Variants in RIMS2 observed in about 807,000 individuals in gnomAD.
RIMS2 encodes regulating synaptic membrane exocytosis protein 2.
A neutral mutation model predicts 174.4 loss-of-function variants in RIMS2; 59 were observed. The observed-to-expected ratio is 0.34, with a 90% CI of 0.27 to 0.42. RIMS2 has a LOEUF of 0.42. RIMS2 is among the 10% of genes least tolerant of loss of function. The probability of loss-of-function intolerance (pLI) is 1.00; values close to 1 mark genes in which losing one functional copy is unlikely to be tolerated. For synonymous variants in RIMS2, 606 were observed against 572.5 expected, an observed-to-expected ratio of 1.06 and a Z score of -0.84; for missense variants, 1,620 against 1,666.3, an observed-to-expected ratio of 0.97 and a Z score of 0.48.
intron 1 of RIMS2, among the ~76,000 whole-genome samples, chr8:103,669,374 C>G (rs182305062): frequency 6.6e-6 from 1 of 152,242 alleles, no homozygotes; most frequent in East Asian, 1.9e-4. Context: ...TCACTTCATC[C>G]CTGGCCACTT....
chr8:103,877,716 T>C (rs1357553232), intron 3 of RIMS2, among the ~76,000 whole-genome samples: 1 of 151,878 alleles, frequency 6.6e-6, no homozygotes, highest in Admixed American at 6.6e-5. Context: ...CTATTGAGGC[T>C]CTTTTTTTTT....
intron 3 of RIMS2, among the ~76,000 whole-genome samples, chr8:103,829,084 A>G (rs931017705): frequency 9.7e-6 from 1 of 102,808 alleles, no homozygotes; most frequent in African/African-American, 3.9e-5. Context: ...ATTTAATAAT[A>G]GGTTTTTTTT....
At chr8:103,810,943 CTA>C (rs977728857) in intron 3 of RIMS2, among the ~76,000 whole-genome samples, 1 of 152,080 alleles carries the variant, frequency 6.6e-6, no homozygotes, top group African/African-American at 2.4e-5. Context: ...GTGCAAATGA[CTA>C]TTATTTCTAA....
At chr8:104,193,297 A>G (rs966464050) in intron 19 of RIMS2, among the ~76,000 whole-genome samples, 2 of 152,064 alleles carry the variant, frequency 1.3e-5, no homozygotes, top group East Asian at 1.9e-4. Context: ...TTTTATTCCT[A>G]TATTTCTAAT....
intron 1 of RIMS2, among the ~76,000 whole-genome samples, chr8:103,674,197 T>G (rs2096780353): frequency 6.6e-6 from 1 of 152,212 alleles, no homozygotes; most frequent in Non-Finnish European, 1.5e-5. Flanking sequence ...TCACAACTGT[T>G]TAATCAGTCC....
At chr8:103,862,060 T>A (rs891723978) in intron 3 of RIMS2, among the ~76,000 whole-genome samples, 1 of 152,176 alleles carries the variant, frequency 6.6e-6, no homozygotes, top group Non-Finnish European at 1.5e-5. Flanking sequence ...TAGGCCAATG[T>A]CTGAAAGAAT....
chr8:103,654,042 T>C (rs1019496864), intron 1 of RIMS2, among the ~76,000 whole-genome samples: 3 of 152,088 alleles, frequency 2.0e-5, no homozygotes, highest in Non-Finnish European at 2.9e-5. Context: ...AAGCATTATA[T>C]TAAAATGCCA....
At chr8:104,194,435 T>A (rs1024750038) in intron 19 of RIMS2, among the ~76,000 whole-genome samples, 1 of 152,228 alleles carries the variant, frequency 6.6e-6, no homozygotes, top group Admixed American at 6.5e-5. Flanking sequence ...AAAGACTGAA[T>A]GTAAAATTAA....
At chr8:103,606,951 A>G (rs537724560) in intron 1 of RIMS2, among the ~76,000 whole-genome samples, 1 of 151,918 alleles carries the variant, frequency 6.6e-6, no homozygotes, top group African/African-American at 2.4e-5. Flanking sequence ...TTGACTCTTT[A>G]TCCAATTTGC....
At chr8:103,949,997 C>T (rs1033253686) in intron 14 of RIMS2, among the ~76,000 whole-genome samples, 10 of 152,070 alleles carry the variant, frequency 6.6e-5, no homozygotes, top group African/African-American at 2.4e-4. Context: ...TTGTGAACAA[C>T]TTGATGCAAA....
rs1401030277 is a variant in RIMS2 at position 103,700,593 on chromosome 8, C to T, written c.387+3297C>T. ...TATTATTCAACCTGACAGTCTCTTC[C>T]TTTTAATTGGATGTTTATAAAATTT... On this transcript the variant is annotated intron_variant, in intron 2 of 23. Transcript: ENST00000504942. 2.6e-5 allele frequency among the ~76,000 whole-genome samples: 4 copies of T among 151,866 alleles called. No homozygotes were observed. The East Asian group carries it at 7.7e-4, about 29-fold the overall frequency.
intron 19 of RIMS2, among the ~76,000 whole-genome samples, chr8:104,169,912 A>G (rs1453494955): frequency 6.6e-6 from 1 of 151,988 alleles, no homozygotes; most frequent in Non-Finnish European, 1.5e-5. Flanking sequence ...TTCCATCTTA[A>G]TTGTTAACCC....
intron 19 of RIMS2, among the ~76,000 whole-genome samples, chr8:104,218,763 T>C (rs972922171): frequency 6.6e-6 from 1 of 152,090 alleles, no homozygotes; most frequent in Non-Finnish European, 1.5e-5. Flanking sequence ...ATGCAAGCAG[T>C]GGGGAGCAGC....
chr8:103,943,066 A>G lies in RIMS2; in HGVS notation c.2701+140A>G, dbSNP rs572958982. 49 of 642,726 alleles carry G rather than the reference A, an allele frequency of 7.6e-5. No homozygotes were observed. In the East Asian group the frequency reaches 1.4e-3, roughly 18 times the overall value. The allele number at this position is 642,726 out of a possible 1,614,324, so 39.8% of individuals were successfully genotyped here. On this transcript the variant is annotated intron_variant, in intron 14 of 23. Coordinates refer to ENST00000504942, the Ensembl canonical transcript of RIMS2. ...TTTCCATAGCTATGAATTGTTTGAAAACAATTGTTTGAAGCTTTTGAATTG... is the reference window on the plus strand; with the variant it reads ...TTTCCATAGCTATGAATTGTTTGAAGACAATTGTTTGAAGCTTTTGAATTG...
chr8:103,991,141 T>C (rs943854796), intron 17 of RIMS2, among the ~76,000 whole-genome samples: 1 of 151,696 alleles, frequency 6.6e-6, no homozygotes, highest in African/African-American at 2.4e-5. Flanking sequence ...TATATTTTTA[T>C]TTTTTATTTA....
chr8:104,156,601 C>A (rs2098725784), intron 19 of RIMS2, among the ~76,000 whole-genome samples: 2 of 152,068 alleles, frequency 1.3e-5, no homozygotes, highest in African/African-American at 4.8e-5. Context: ...ATTTTAATCA[C>A]CTTTAAAAAT....
At chr8:103,556,887 A>T (rs2090580597) in intron 1 of RIMS2, among the ~76,000 whole-genome samples, 1 of 152,152 alleles carries the variant, frequency 6.6e-6, no homozygotes, top group Non-Finnish European at 1.5e-5. Flanking sequence ...TTGCAACATT[A>T]TAGCATTTTA....
At chr8:103,715,510 AAC>A (rs1222487249) in intron 2 of RIMS2, among the ~76,000 whole-genome samples, 1 of 152,182 alleles carries the variant, frequency 6.6e-6, no homozygotes, top group Non-Finnish European at 1.5e-5. Flanking sequence ...GATATCTCAA[AAC>A]ACATGATTTT....
At chr8:103,604,647 C>A (rs1308713419) in intron 1 of RIMS2, among the ~76,000 whole-genome samples, 1 of 147,134 alleles carries the variant, frequency 6.8e-6, no homozygotes, top group African/African-American at 2.5e-5. Flanking sequence ...AATGTTCTTC[C>A]ATTTGTTTGT....
Sources: allele counts gnomAD v4.1 joint callset (sites outside exome capture counted in the v4.1 genomes callset), GRCh38; gene constraint gnomAD v4.1.1; transcripts MANE v1.5; gene names NCBI Gene and HGNC (gene_info 2026-07-23, HGNC 2026-07-21).